HS3ST4: variants seen among roughly 807,000 people sequenced by gnomAD.
HS3ST4 encodes the protein heparan sulfate-glucosamine 3-sulfotransferase 4, also known as heparan sulfate glucosamine 3-O-sulfotransferase 4.
HS3ST4 carries 17 observed loss-of-function variants against 29.2 expected under a neutral mutation model. That is an observed-to-expected ratio of 0.58 (90% confidence interval 0.40 to 0.87). HS3ST4 has a LOEUF of 0.87. HS3ST4 is among the 40% of genes least tolerant of loss of function. The probability of loss-of-function intolerance (pLI) is 0.00; values close to 1 mark genes in which losing one functional copy is unlikely to be tolerated. For synonymous variants in HS3ST4, 314 were observed against 285.7 expected (o/e 1.10, Z -1.00); for missense variants, 627 against 634.5 (o/e 0.99, Z 0.13).
intron 1 of HS3ST4, among the ~76,000 whole-genome samples, chr16:25,992,622 G>T (rs967563406): frequency 4.6e-5 from 7 of 152,188 alleles, no homozygotes; most frequent in African/African-American, 1.7e-4. Flanking sequence ...AGGTATGCTG[G>T]GAGCTCCCAG....
At chr16:26,084,303 T>C (rs1421125729) in intron 1 of HS3ST4, among the ~76,000 whole-genome samples, 5 of 152,222 alleles carry the variant, frequency 3.3e-5, no homozygotes, top group Admixed American at 3.3e-4. Flanking sequence ...CTTATGAGGC[T>C]CCAGCTTATC....
chr16:26,091,731 GAGA>G (rs1479632083), intron 1 of HS3ST4, among the ~76,000 whole-genome samples: 1 of 152,198 alleles, frequency 6.6e-6, no homozygotes, highest in Non-Finnish European at 1.5e-5. Flanking sequence ...TAGGGAGGAA[GAGA>G]AGAAGTTGGC....
At chr16:25,720,615 A>G (rs975220907) in intron 1 of HS3ST4, among the ~76,000 whole-genome samples, 1 of 152,144 alleles carries the variant, frequency 6.6e-6, no homozygotes, top group Non-Finnish European at 1.5e-5. Flanking sequence ...ATCCATGAAA[A>G]AGAATCCCAT....
At position 25,971,288 on chromosome 16, in the gene HS3ST4, A is replaced by G. The variant is rs145210458; in HGVS notation, c.735-164324A>G. Among the ~76,000 whole-genome samples the G allele has an allele frequency of 6.6e-3, 1,006 of 152,300 alleles. 9 individuals are homozygous for G. The highest frequency in any genetic ancestry group is 0.011 in the Non-Finnish European group (738 of 68,030). ...AAACAGTCACCTGCAACATAACTTG[A>G]TAAGGTGATGTATCTGATGGAAGCC... On this transcript the variant is annotated intron_variant, in intron 1 of 1. Transcript: ENST00000331351.
intron 1 of HS3ST4, among the ~76,000 whole-genome samples, chr16:26,116,587 G>A (rs1189032976): frequency 6.6e-6 from 1 of 152,142 alleles, no homozygotes; most frequent in Non-Finnish European, 1.5e-5. Context: ...GTCCATGATA[G>A]CAATAACATA....
At chr16:25,828,491 C>T (rs1204525607) in intron 1 of HS3ST4, among the ~76,000 whole-genome samples, 1 of 151,718 alleles carries the variant, frequency 6.6e-6, no homozygotes, top group Non-Finnish European at 1.5e-5. Context: ...CAGGCACCCG[C>T]CACCACAGTC....
At chr16:26,108,405 T>C (rs1289180889) in intron 1 of HS3ST4, among the ~76,000 whole-genome samples, 1 of 152,188 alleles carries the variant, frequency 6.6e-6, no homozygotes, top group Non-Finnish European at 1.5e-5. Context: ...CCCATGGAAA[T>C]CACCTAACAC....
At chr16:26,094,737 A>G (rs937468869) in intron 1 of HS3ST4, among the ~76,000 whole-genome samples, 3 of 152,204 alleles carry the variant, frequency 2.0e-5, no homozygotes, top group African/African-American at 4.8e-5. Flanking sequence ...TAACATCATA[A>G]TGACAGGATC....
At chr16:26,014,341 A>T (rs1969342686) in intron 1 of HS3ST4, among the ~76,000 whole-genome samples, 1 of 152,208 alleles carries the variant, frequency 6.6e-6, no homozygotes, top group Non-Finnish European at 1.5e-5. Flanking sequence ...ATTTATTTTT[A>T]AATTTTTAAC....
intron 1 of HS3ST4, among the ~76,000 whole-genome samples, chr16:26,087,794 G>A (rs1006821098): frequency 7.2e-5 from 11 of 152,064 alleles, no homozygotes; most frequent in Non-Finnish European, 1.3e-4. Flanking sequence ...CCAGGTTGGT[G>A]CCCAAAAAGT....
chr16:25,939,971 A>C (rs1368740060), intron 1 of HS3ST4, among the ~76,000 whole-genome samples: 1 of 152,178 alleles, frequency 6.6e-6, no homozygotes, highest in Non-Finnish European at 1.5e-5. Flanking sequence ...ACAACCATAA[A>C]TACGTGGGAT....
chr16:25,866,855 T>A (rs1037324131), intron 1 of HS3ST4, among the ~76,000 whole-genome samples: 4 of 152,190 alleles, frequency 2.6e-5, no homozygotes, highest in African/African-American at 9.7e-5. Context: ...GCCTATTTTT[T>A]AAAAAGACAG....
intron 1 of HS3ST4, among the ~76,000 whole-genome samples, chr16:25,856,013 C>G (rs1325676698): frequency 6.6e-6 from 1 of 151,992 alleles, no homozygotes; most frequent in Non-Finnish European, 1.5e-5. Context: ...GGAGAATGCT[C>G]TGGGCATACC....
At chr16:25,959,522 C>T (rs1272579624) in intron 1 of HS3ST4, among the ~76,000 whole-genome samples, 1 of 152,158 alleles carries the variant, frequency 6.6e-6, no homozygotes, top group Middle Eastern at 3.2e-3. Context: ...AGTCAAGGTG[C>T]AGGTAACTAA....
rs186945887 is a variant in HS3ST4 at position 25,802,599 on chromosome 16, A to G, written c.734+109448A>G. 4.7e-3 allele frequency among the ~76,000 whole-genome samples: 714 copies of G among 152,220 alleles called. 8 individuals are homozygous for G. The highest frequency in any genetic ancestry group is 6.3e-3 in the Admixed American group (97 of 15,280). On this transcript the variant is annotated intron_variant, in intron 1 of 1. Transcript: ENST00000331351. Reference sequence around the variant, plus strand: ...CTTATACTTGCAGATTAATTTTGGAATCATGTTGTCAAGTTCTGAATGAAA... The same window carrying G: ...CTTATACTTGCAGATTAATTTTGGAGTCATGTTGTCAAGTTCTGAATGAAA...
chr16:25,985,186 T>G (rs921335565), intron 1 of HS3ST4, among the ~76,000 whole-genome samples: 1 of 152,232 alleles, frequency 6.6e-6, no homozygotes, highest in Non-Finnish European at 1.5e-5. Flanking sequence ...CTTACAGGGT[T>G]GCATTGGGAA....
At chr16:25,914,421 A>G (rs1003827757) in intron 1 of HS3ST4, among the ~76,000 whole-genome samples, 10 of 149,150 alleles carry the variant, frequency 6.7e-5, no homozygotes, top group Non-Finnish European at 1.3e-4. Flanking sequence ...AGAATGTGCG[A>G]GTTATGTGTA....
chr16:25,798,263 G>A (rs1966900392), intron 1 of HS3ST4, among the ~76,000 whole-genome samples: 1 of 152,170 alleles, frequency 6.6e-6, no homozygotes, highest in Non-Finnish European at 1.5e-5. Context: ...ATACAGTAGT[G>A]TATCAGTCAG....
At chr16:25,782,297 G>A (rs1326279453) in intron 1 of HS3ST4, among the ~76,000 whole-genome samples, 1 of 152,148 alleles carries the variant, frequency 6.6e-6, no homozygotes, top group Non-Finnish European at 1.5e-5. Flanking sequence ...GGGACACAAA[G>A]CTAACCATGT....
Sources: allele counts gnomAD v4.1 joint callset (sites outside exome capture counted in the v4.1 genomes callset), GRCh38; gene constraint gnomAD v4.1.1; transcripts MANE v1.5; gene names NCBI Gene and HGNC (gene_info 2026-07-23, HGNC 2026-07-21).